The following TANGO6 variants were observed in gnomAD, a reference collection of about 807,000 sequenced individuals.
The protein encoded by TANGO6 is transport and Golgi organization protein 6 homolog.
TANGO6 carries 90 observed loss-of-function variants against 114.2 expected under a neutral mutation model. That is an observed-to-expected ratio of 0.79 (90% CI 0.66 to 0.94). The LOEUF (loss-of-function observed/expected upper bound fraction) is 0.94, where lower values mean the gene tolerates loss of function less well. TANGO6 is among the 40% of genes least tolerant of loss of function. The pLI, the probability that TANGO6 is intolerant of heterozygous loss-of-function variation, is 0.00. For synonymous variants in TANGO6, 477 were observed against 509.8 expected, an observed-to-expected ratio of 0.94 and a Z score of 0.87; for missense variants, 1,274 against 1,315.3, an observed-to-expected ratio of 0.97 and a Z score of 0.49.
chr16:69,050,315 A>T (rs1959927739), intron 17 of TANGO6, among the ~76,000 whole-genome samples: 3 of 152,076 alleles, frequency 2.0e-5, no homozygotes, highest in Non-Finnish European at 2.9e-5. Flanking sequence ...CATCTCCCTC[A>T]TGGCTAAAGA....
At chr16:68,916,608 C>G (rs190288255) in intron 11 of TANGO6, among the ~76,000 whole-genome samples, 1 of 151,990 alleles carries the variant, frequency 6.6e-6, no homozygotes, top group African/African-American at 2.4e-5. Context: ...CACTACCCCT[C>G]CATTCTTTAC....
chr16:69,020,572 G>A (rs1248843160), intron 15 of TANGO6, among the ~76,000 whole-genome samples: 1 of 152,100 alleles, frequency 6.6e-6, no homozygotes, highest in Non-Finnish European at 1.5e-5. Flanking sequence ...AACTGGGCCT[G>A]GTAGGACAGG....
chr16:68,990,526 G>C (rs1963937744), intron 15 of TANGO6, among the ~76,000 whole-genome samples: 1 of 152,196 alleles, frequency 6.6e-6, no homozygotes, highest in Admixed American at 6.5e-5. Context: ...TACAACTCAA[G>C]ATGAGATTTG....
intron 7 of TANGO6, among the ~76,000 whole-genome samples, chr16:68,896,380 A>G (rs755480935): frequency 5.9e-5 from 9 of 151,692 alleles, no homozygotes; most frequent in Admixed American, 3.9e-4. Flanking sequence ...CTGGAGTGCA[A>G]TGGCTCACTG....
At chr16:68,943,186 C>T (rs1395735060) in intron 14 of TANGO6, among the ~76,000 whole-genome samples, 1 of 151,278 alleles carries the variant, frequency 6.6e-6, no homozygotes, top group Non-Finnish European at 1.5e-5. Context: ...CAGGTGTGAG[C>T]CACTATGCCT....
rs564654396 is a variant in TANGO6 at position 68,919,858 on chromosome 16, A to G, written c.2127+639A>G. On this transcript the variant is annotated intron_variant, in intron 12 of 17. Coordinates refer to ENST00000261778, the MANE Select transcript of TANGO6 (RefSeq NM_024562.2). ...GGAGTTTGAGACCAGCCTGGTCAAC[A>G]TGGTGAAACCCCGTCTCTACTAAAA... 4.6e-5 allele frequency among the ~76,000 whole-genome samples: 7 copies of G among 152,194 alleles called. No homozygotes were observed. In the South Asian group the frequency reaches 1.4e-3, roughly 32 times the overall value.
intron 12 of TANGO6, among the ~76,000 whole-genome samples, chr16:68,920,514 G>A (rs936623625): frequency 5.9e-5 from 9 of 152,168 alleles, no homozygotes; most frequent in Non-Finnish European, 1.3e-4. Flanking sequence ...ATTACATACC[G>A]AGTTAGGTGA....
At chr16:68,936,522 A>C (rs1207191762) in intron 14 of TANGO6, among the ~76,000 whole-genome samples, 1 of 151,986 alleles carries the variant, frequency 6.6e-6, no homozygotes. Flanking sequence ...TTTAGTAGAC[A>C]CAGGGTTTCA....
At chr16:68,869,088 T>G (rs74922336) in intron 4 of TANGO6, among the ~76,000 whole-genome samples, 9,635 of 152,276 alleles carry the variant, frequency 0.063, 320 homozygotes, top group Admixed American at 0.078. Flanking sequence ...CTTCCTGGAG[T>G]TAATCTTTTT....
At chr16:69,053,588 T>G (rs78842967) in intron 17 of TANGO6, among the ~76,000 whole-genome samples, 17,011 of 152,236 alleles carry the variant, frequency 0.11, 1,039 homozygotes, top group South Asian at 0.18. Context: ...GACTGGTTAC[T>G]TCTAAGCCTA....
intron 6 of TANGO6, 21 bp downstream of exon 6, chr16:68,878,301 G>C: frequency 6.4e-7 from 1 of 1,574,622 alleles, no homozygotes; most frequent in Non-Finnish European, 8.6e-7. Flanking sequence ...AAGTGTGGTG[G>C]CTGTGTGTGC....
chr16:68,937,002 G>T (rs924230453), intron 14 of TANGO6, among the ~76,000 whole-genome samples: 1 of 152,100 alleles, frequency 6.6e-6, no homozygotes, highest in Non-Finnish European at 1.5e-5. Context: ...AGCCCGGAAG[G>T]GGGAAGGTAG....
chr16:68,920,350 C>T (rs1006473115), intron 12 of TANGO6, among the ~76,000 whole-genome samples: 8 of 152,170 alleles, frequency 5.3e-5, no homozygotes, highest in African/African-American at 1.4e-4. Flanking sequence ...GAAAACATCA[C>T]GTACAAAGGC....
chr16:69,008,687 G>A (rs1964118028), intron 15 of TANGO6, among the ~76,000 whole-genome samples: 1 of 151,898 alleles, frequency 6.6e-6, no homozygotes, highest in Non-Finnish European at 1.5e-5. Flanking sequence ...CCAGGCTGGA[G>A]TACAGTGTAC....
chr16:68,857,083 TG>T (rs1375839306), intron 1 of TANGO6, among the ~76,000 whole-genome samples: 3 of 152,372 alleles, frequency 2.0e-5, no homozygotes, highest in Admixed American at 2.0e-4. Flanking sequence ...CACTCCAGCC[TG>T]GGCGACAGAG....
At chr16:68,854,739 G>C (rs1347796004) in intron 1 of TANGO6, among the ~76,000 whole-genome samples, 6 of 151,590 alleles carry the variant, frequency 4.0e-5, no homozygotes, top group Non-Finnish European at 1.5e-5. Flanking sequence ...AGCCATATAA[G>C]TGTGGGACTG....
intron 17 of TANGO6, among the ~76,000 whole-genome samples, chr16:69,041,523 G>A (rs1959774842): frequency 6.6e-6 from 1 of 151,860 alleles, no homozygotes; most frequent in African/African-American, 2.4e-5. Context: ...GTTACCATAT[G>A]GAGTTTCTGA....
intron 17 of TANGO6, among the ~76,000 whole-genome samples, chr16:69,061,133 T>G (rs1158273572): frequency 6.6e-6 from 1 of 152,172 alleles, no homozygotes; most frequent in Non-Finnish European, 1.5e-5. Flanking sequence ...CCTCCTTACT[T>G]GGAAACACCT....
intron 14 of TANGO6, among the ~76,000 whole-genome samples, chr16:68,931,991 T>C (rs953679230): frequency 7.3e-5 from 11 of 150,832 alleles, no homozygotes; most frequent in Admixed American, 1.3e-4. Flanking sequence ...AGTACAGGCA[T>C]CAGCCACCAC....
Sources: allele counts gnomAD v4.1 joint callset (sites outside exome capture counted in the v4.1 genomes callset), GRCh38; gene constraint gnomAD v4.1.1; transcripts MANE v1.5; gene names NCBI Gene and HGNC (gene_info 2026-07-23, HGNC 2026-07-21).